The following CEBPZOS variants were observed in gnomAD, a reference collection of about 807,000 sequenced individuals.
CEBPZOS encodes CEBPZ opposite strand, also known as protein CEBPZOS.
CEBPZOS carries 10 observed loss-of-function variants against 4.8 expected under a neutral mutation model. The observed-to-expected ratio is 2.07, with a 90% CI of 1.28 to 3.52. The LOEUF (loss-of-function observed/expected upper bound fraction) is 3.52. CEBPZOS is among the 30% of genes most tolerant of loss of function. The pLI is 0.00. For synonymous variants in CEBPZOS, 25 were observed against 14.2 expected, an observed-to-expected ratio of 1.77 and a Z score of -1.72; for missense variants, 98 against 43.6, an observed-to-expected ratio of 2.25 and a Z score of -3.51.
At chr2:37,211,305 T>A in intron 4 of CEBPZOS, 1 of 371,232 alleles carries the variant, frequency 2.7e-6, no homozygotes, top group East Asian at 4.1e-5. Context: ...ATTTTCTAAA[T>A]AGCTTCATTA....
intron 4 of CEBPZOS, chr2:37,211,189 TG>T: frequency 1.6e-6 from 1 of 628,882 alleles, no homozygotes; most frequent in South Asian, 2.3e-5. Context: ...GGCACTATAC[TG>T]CTATTCCATG....
At chr2:37,198,589 CTGAAAAACAA>C (rs1677062574) in intron 1 of CEBPZOS, 1 of 152,200 alleles carries the variant, frequency 6.6e-6, no homozygotes, top group Non-Finnish European at 1.5e-5. Context: ...ATAGAAAAAT[CTGAAAAACAA>C]GTGGTTCTCC....
At chr2:37,209,955 A>G (rs1677666534) in intron 4 of CEBPZOS, 1 of 152,220 alleles carries the variant, frequency 6.6e-6, no homozygotes. Flanking sequence ...ATCCCATCAA[A>G]AAGTGTGTTA....
chr2:37,211,257 A>C (rs1361224498), intron 4 of CEBPZOS: 9 of 441,166 alleles, frequency 2.0e-5, no homozygotes, highest in Non-Finnish European at 3.6e-5. Context: ...AAAGACTCTA[A>C]GAATTGGCAC....
At chr2:37,205,840 T>G (rs1677519517), downstream of CEBPZOS, among the ~76,000 whole-genome samples, 1 of 152,174 alleles carries the variant, frequency 6.6e-6, no homozygotes, top group South Asian at 2.1e-4. Context: ...AGCAGAATCT[T>G]GTAAGATAAT....
chr2:37,210,922 G>T, intron 4 of CEBPZOS: 1 of 934,706 alleles, frequency 1.1e-6, no homozygotes. Flanking sequence ...AAATTTAGGA[G>T]AGTTCATTTC....
chr2:37,200,669 A>G (rs1430667370), intron 2 of CEBPZOS, among the ~76,000 whole-genome samples: 2 of 152,110 alleles, frequency 1.3e-5, no homozygotes, highest in Non-Finnish European at 2.9e-5. Context: ...AAGAAAAAAA[A>G]AAAAAGTGCT....
intron 4 of CEBPZOS, 29 bp downstream of exon 4, chr2:37,201,755 A>C (rs766896986): frequency 1.5e-6 from 2 of 1,337,816 alleles, no homozygotes; most frequent in African/African-American, 2.9e-5. Flanking sequence ...TATAATTTAC[A>C]TTAATAACTC....
chr2:37,211,963 C>G, intron 4 of CEBPZOS: 2 of 1,613,638 alleles, frequency 1.2e-6, no homozygotes, highest in East Asian at 2.2e-5. Flanking sequence ...TCCAGGTTAC[C>G]AAGTTCATCA....
chr2:37,209,892 G>C (rs1017723066), intron 4 of CEBPZOS: 1 of 152,020 alleles, frequency 6.6e-6, no homozygotes, highest in Non-Finnish European at 1.5e-5. Context: ...TCTGAGAAAG[G>C]ACTAATGTCC....
At chr2:37,211,422 A>C (rs578178101) in intron 4 of CEBPZOS, 104 of 235,922 alleles carry the variant, frequency 4.4e-4, no homozygotes, top group African/African-American at 2.2e-3. Flanking sequence ...GGTATGTGAA[A>C]GGACAGAAAG....
At chr2:37,216,122 T>C (rs761859831), downstream of CEBPZOS, 75 of 1,580,582 alleles carry the variant, frequency 4.7e-5, no homozygotes, top group Non-Finnish European at 6.2e-5. Flanking sequence ...GTTTCAACTG[T>C]CTAAGGTTTA....
At chr2:37,211,252 C>A in intron 4 of CEBPZOS, 1 of 440,256 alleles carries the variant, frequency 2.3e-6, no homozygotes, top group East Asian at 3.4e-5. Flanking sequence ...GAGAAAAAGA[C>A]TCTAAGAATT....
chr2:37,201,168 TA>T, intron 3 of CEBPZOS, 76 bp downstream of exon 3: 1 of 676,382 alleles, frequency 1.5e-6, no homozygotes, highest in Non-Finnish European at 2.7e-6. Context: ...GTAATTTCTT[TA>T]CAAGGAATTT....
At chr2:37,201,021 A>G (rs1439695976) in intron 2 of CEBPZOS, 27 bp from the exon 3 acceptor site, 1 of 714,644 alleles carries the variant, frequency 1.4e-6, no homozygotes, top group Non-Finnish European at 2.6e-6. Flanking sequence ...TTCATATCTA[A>G]TTTCAAGACA....
chr2:37,200,003 C>G (rs1677139764), intron 2 of CEBPZOS, among the ~76,000 whole-genome samples, 184 bp downstream of exon 2: 1 of 152,132 alleles, frequency 6.6e-6, no homozygotes, highest in Non-Finnish European at 1.5e-5. Context: ...TCTCACTTCT[C>G]CCTTAAAAAT....
chr2:37,203,015 A>G lies in CEBPZOS; in HGVS notation c.*1155A>G. ...CTTTTCTTTTTTCTTGGCCCTAAAA[A>G]AAATTGTAAGTCTACATTATTCAAT... On this transcript the variant is annotated 3_prime_UTR_variant, in exon 5 of 5. Coordinates refer to ENST00000402297, the MANE Select transcript of CEBPZOS (RefSeq NM_001322374.2). 1.3e-6 allele frequency: 2 copies of G among 1,528,476 alleles called. No homozygotes were observed. The highest frequency in any genetic ancestry group is 1.8e-6 in the Non-Finnish European group (2 of 1,137,112). 94.7% of individuals were successfully genotyped at this position (1,528,476 alleles called of 1,614,324 possible). A position where few individuals can be genotyped will look rare whatever the true frequency, so the allele number is the denominator to read the frequency against.
In CEBPZOS at chr2:37,202,013, T is replaced by A; in HGVS notation, c.*153T>A. ...ACTTCTAGCCTGCCTTGGCCTGTGG[T>A]TTCCCACCCACTATACAAACCCACT... On this transcript the variant is annotated 3_prime_UTR_variant, in exon 5 of 5. Coordinates refer to ENST00000402297, the MANE Select transcript of CEBPZOS (RefSeq NM_001322374.2). 1 of 932,254 alleles carries A rather than the reference T, an allele frequency of 1.1e-6. No homozygotes were observed. The highest frequency in any genetic ancestry group is 2.5e-5 in the East Asian group (1 of 40,748). 57.7% of individuals were successfully genotyped at this position (932,254 alleles called of 1,614,324 possible).
chr2:37,208,771 T>C (rs191988245), downstream of CEBPZOS: 2 of 152,128 alleles, frequency 1.3e-5, no homozygotes, highest in East Asian at 3.9e-4. Flanking sequence ...CTATTCAACA[T>C]AGTACTGGAA....
Sources: gnomAD v4.1 joint callset for allele counts (sites outside exome capture counted in the v4.1 genomes callset) on GRCh38, gnomAD v4.1.1 for gene constraint, MANE v1.5 for transcripts, NCBI Gene and HGNC (gene_info 2026-07-23, HGNC 2026-07-21) for gene names.